EPHB1: variants seen among roughly 807,000 people sequenced by gnomAD.
The protein encoded by EPHB1 is EPH receptor B1, also known as ephrin type-B receptor 1.
In EPHB1, 30 loss-of-function variants were observed where a neutral mutation model predicts 94.4. The ratio of observed to expected loss-of-function variants is 0.32; its 90% CI spans 0.24 to 0.43. EPHB1 has a LOEUF of 0.43. Ranked by LOEUF, EPHB1 falls within the 20% of genes least tolerant of loss-of-function variation. EPHB1 has a pLI of 1.00. For synonymous variants in EPHB1, 522 were observed against 489.1 expected, an observed-to-expected ratio of 1.07 and a Z score of -0.89; for missense variants, 1,055 against 1,308.3, an observed-to-expected ratio of 0.81 and a Z score of 2.99.
intron 12 of EPHB1, among the ~76,000 whole-genome samples, chr3:135,220,379 T>G (rs2107719848): frequency 6.6e-6 from 1 of 152,290 alleles, no homozygotes; most frequent in Middle Eastern, 3.4e-3. Flanking sequence ...GCTCTTTCTC[T>G]GTGAGAAAGC....
rs553336796 is a variant in EPHB1 at position 134,993,488 on chromosome 3, G to C, written c.805+41436G>C. On this transcript the variant is annotated intron_variant, in intron 3 of 15. Coordinates refer to ENST00000398015, the MANE Select transcript of EPHB1 (RefSeq NM_004441.5). ...ATCAATTGATCGGGGACTGGAGAGA[G>C]CTTGGCCCGGGAGTTCAGAACTCCA... 1.4e-4 allele frequency among the ~76,000 whole-genome samples: 22 copies of C among 152,340 alleles called. No homozygotes were observed. The South Asian group carries it at 1.7e-3, about 11-fold the overall frequency.
intron 10 of EPHB1, among the ~76,000 whole-genome samples, chr3:135,188,580 T>C (rs1164958520): frequency 1.3e-5 from 2 of 152,210 alleles, no homozygotes; most frequent in African/African-American, 2.4e-5. Flanking sequence ...CCTAGACTTC[T>C]CTCAACACAC....
intron 4 of EPHB1, among the ~76,000 whole-genome samples, chr3:135,127,049 T>C (rs1379929844): frequency 6.6e-6 from 1 of 152,242 alleles, no homozygotes; most frequent in South Asian, 2.1e-4. Flanking sequence ...TTAAACTCTT[T>C]AGGCATGTCA....
chr3:134,837,465 A>C (rs2036692634), intron 1 of EPHB1, among the ~76,000 whole-genome samples: 1 of 152,190 alleles, frequency 6.6e-6, no homozygotes, highest in Non-Finnish European at 1.5e-5. Context: ...TAGGATAACC[A>C]TCAGATGGTT....
chr3:135,011,539 G>A (rs565914369), intron 3 of EPHB1, among the ~76,000 whole-genome samples: 1 of 152,290 alleles, frequency 6.6e-6, no homozygotes, highest in South Asian at 2.1e-4. Flanking sequence ...TGCTGAGGGT[G>A]CTGGGGGTCG....
intron 3 of EPHB1, among the ~76,000 whole-genome samples, chr3:135,010,784 G>T (rs563708690): frequency 6.6e-6 from 1 of 151,806 alleles, no homozygotes; most frequent in Non-Finnish European, 1.5e-5. Flanking sequence ...GGCTGGTCTC[G>T]AACTCCGGAC....
chr3:135,154,607 G>A (rs1043968906), intron 6 of EPHB1, among the ~76,000 whole-genome samples: 4 of 152,102 alleles, frequency 2.6e-5, no homozygotes. Flanking sequence ...AGGGGTCCCC[G>A]AACCTTCAGA....
intron 1 of EPHB1, among the ~76,000 whole-genome samples, chr3:134,856,675 C>T (rs2037127388): frequency 1.3e-5 from 2 of 152,148 alleles, no homozygotes; most frequent in African/African-American, 4.8e-5. Context: ...GTAAAATGCA[C>T]CCTTGTTTCT....
intron 3 of EPHB1, among the ~76,000 whole-genome samples, chr3:134,974,468 T>A (rs577840969): frequency 1.3e-5 from 2 of 152,320 alleles, no homozygotes; most frequent in East Asian, 3.9e-4. Context: ...TTAATGCTTG[T>A]AAAGTGCCTA....
intron 1 of EPHB1, among the ~76,000 whole-genome samples, chr3:134,881,645 G>C (rs570438475): frequency 6.6e-6 from 1 of 152,168 alleles, no homozygotes; most frequent in African/African-American, 2.4e-5. Context: ...AGAGAAAGAG[G>C]CCTGACAAAG....
chr3:135,053,967 G>C (rs991692460), intron 3 of EPHB1, among the ~76,000 whole-genome samples: 2 of 151,624 alleles, frequency 1.3e-5, no homozygotes, highest in African/African-American at 4.9e-5. Flanking sequence ...ACTCTAGCTT[G>C]GGTGACAGAA....
intron 1 of EPHB1, among the ~76,000 whole-genome samples, chr3:134,862,770 T>C (rs1281148405): frequency 6.6e-6 from 1 of 152,152 alleles, no homozygotes; most frequent in Non-Finnish European, 1.5e-5. Flanking sequence ...ACATCCCTTT[T>C]GCTGTGTCCT....
chr3:134,953,493 C>T (rs1933119436), intron 3 of EPHB1, among the ~76,000 whole-genome samples: 1 of 152,262 alleles, frequency 6.6e-6, no homozygotes, highest in African/African-American at 2.4e-5. Flanking sequence ...CACAGTCCTC[C>T]TCTTTGTCCC....
intron 1 of EPHB1, among the ~76,000 whole-genome samples, chr3:134,822,407 C>G (rs997103032): frequency 6.6e-6 from 1 of 152,206 alleles, no homozygotes; most frequent in African/African-American, 2.4e-5. Context: ...GTGAGCAGAG[C>G]TGGTGTAGGC....
chr3:135,203,419 A>G lies in EPHB1; in HGVS notation c.2346+1730A>G, dbSNP rs1942810457. Among the ~76,000 whole-genome samples the G allele has an allele frequency of 1.3e-5, 2 of 152,216 alleles. 1 individual carries two copies. Among genetic ancestry groups the G allele is most frequent in the South Asian group, 4.1e-4 (2 of 4,832 alleles). On this transcript the variant is annotated intron_variant, in intron 12 of 15. Coordinates refer to ENST00000398015, the MANE Select transcript of EPHB1 (RefSeq NM_004441.5). ...CCCAGAACTTAAAGTAAAATTTAAA[A>G]AAAAGAATAAAAAATAAACTAAAAT...
At chr3:134,918,177 G>A (rs545978067) in intron 1 of EPHB1, among the ~76,000 whole-genome samples, 48 of 152,356 alleles carry the variant, frequency 3.2e-4, no homozygotes, top group African/African-American at 1.1e-3. Flanking sequence ...CAAACAGTAC[G>A]AGTTCTGTAG....
At chr3:134,811,947 A>T (rs545833442) in intron 1 of EPHB1, among the ~76,000 whole-genome samples, 4 of 152,334 alleles carry the variant, frequency 2.6e-5, no homozygotes, top group Admixed American at 2.0e-4. Flanking sequence ...CCAGATAAGG[A>T]CGAGAGCACA....
chr3:134,901,058 TA>T (rs561649903), intron 1 of EPHB1, among the ~76,000 whole-genome samples: 189 of 150,502 alleles, frequency 1.3e-3, no homozygotes, highest in Middle Eastern at 3.4e-3. Flanking sequence ...AACTTCTTTT[TA>T]AAAAAAAAAC....
chr3:134,976,881 T>C (rs1241629523), intron 3 of EPHB1, among the ~76,000 whole-genome samples: 2 of 152,206 alleles, frequency 1.3e-5, no homozygotes, highest in Non-Finnish European at 2.9e-5. Context: ...TTTGTGGCCT[T>C]GAACTCTGGG....
Sources: allele counts gnomAD v4.1 joint callset (sites outside exome capture counted in the v4.1 genomes callset), GRCh38; gene constraint gnomAD v4.1.1; transcripts MANE v1.5; gene names NCBI Gene and HGNC (gene_info 2026-07-23, HGNC 2026-07-21).